SIK3: variants seen among roughly 807,000 people sequenced by gnomAD.
SIK3 encodes serine/threonine-protein kinase SIK3.
In SIK3, 28 loss-of-function variants were observed where a neutral mutation model predicts 144.2. The ratio of observed to expected loss-of-function variants is 0.19; its 90% CI spans 0.14 to 0.27. The LOEUF is 0.27. SIK3 is among the 10% of genes least tolerant of loss of function. The pLI is 1.00. For missense variants in SIK3, 1,319 were observed against 1,776.0 expected, an observed-to-expected ratio of 0.74 and a Z score of 4.62; for synonymous variants, 686 against 676.3, an observed-to-expected ratio of 1.01 and a Z score of -0.22.
At chr11:116,890,790 G>C (rs1054502638) in intron 6 of SIK3, among the ~76,000 whole-genome samples, 1 of 152,122 alleles carries the variant, frequency 6.6e-6, no homozygotes, top group East Asian at 1.9e-4. Context: ...AGTGGGAAAT[G>C]CTCCAGAAAA....
intron 1 of SIK3, among the ~76,000 whole-genome samples, chr11:117,059,458 C>T (rs1953699991): frequency 6.6e-6 from 1 of 152,174 alleles, no homozygotes; most frequent in Admixed American, 6.5e-5. Context: ...AATAGCCATT[C>T]CTGACAAAAG....
At chr11:116,947,553 ATGTATGTATGTATGTAT>A (rs1948723793) in intron 3 of SIK3, among the ~76,000 whole-genome samples, 2 of 68,276 alleles carry the variant, frequency 2.9e-5, no homozygotes, top group South Asian at 6.7e-4. Flanking sequence ...GTATGTATGT[ATGTATGTATGTATGTAT>A]TTTTTTTTTT....
At chr11:116,878,238 T>C (rs982603458) in intron 6 of SIK3, among the ~76,000 whole-genome samples, 6 of 152,212 alleles carry the variant, frequency 3.9e-5, no homozygotes, top group Admixed American at 6.5e-5. Flanking sequence ...CAATCTGTTT[T>C]CTATAGAGAG....
chr11:117,090,171 T>C (rs1421406662), intron 1 of SIK3, among the ~76,000 whole-genome samples: 1 of 152,202 alleles, frequency 6.6e-6, no homozygotes, highest in Non-Finnish European at 1.5e-5. Context: ...TTTGAATGTA[T>C]ATAATTTTCA....
At chr11:116,957,198 G>T in intron 1 of SIK3, 134 bp from the exon 2 acceptor site, 1 of 509,104 alleles carries the variant, frequency 2.0e-6, no homozygotes, top group Admixed American at 3.2e-5. Context: ...ATGTCAATGA[G>T]GAAAATTAAT....
intron 1 of SIK3, among the ~76,000 whole-genome samples, chr11:117,010,778 A>T (rs1207860345): frequency 6.6e-6 from 1 of 152,232 alleles, no homozygotes; most frequent in Admixed American, 6.5e-5. Flanking sequence ...TGTAAATAAC[A>T]TATGTATAAA....
At chr11:116,967,286 G>A (rs1949594414) in intron 1 of SIK3, among the ~76,000 whole-genome samples, 1 of 152,170 alleles carries the variant, frequency 6.6e-6, no homozygotes, top group African/African-American at 2.4e-5. Context: ...ACATTTAGAT[G>A]TAGAACCTAG....
At chr11:116,945,404 T>TTA (rs60923211) in intron 3 of SIK3, among the ~76,000 whole-genome samples, 3 of 138,832 alleles carry the variant, frequency 2.2e-5, no homozygotes, top group Non-Finnish European at 4.7e-5. Context: ...TTTTTTTTTT[T>TTA]AAATAACAGA....
chr11:117,012,028 G>C (rs1461552282), intron 1 of SIK3, among the ~76,000 whole-genome samples: 1 of 152,066 alleles, frequency 6.6e-6, no homozygotes, highest in Non-Finnish European at 1.5e-5. Flanking sequence ...TCACTGACTG[G>C]AGTGCAATGA....
chr11:117,083,148 T>G (rs927242735), intron 1 of SIK3, among the ~76,000 whole-genome samples: 9 of 152,178 alleles, frequency 5.9e-5, no homozygotes, highest in African/African-American at 1.9e-4. Context: ...TGACTTGGTA[T>G]AACAATACCC....
chr11:116,860,424 G>C (rs1943258409), intron 19 of SIK3, among the ~76,000 whole-genome samples: 2 of 152,118 alleles, frequency 1.3e-5, no homozygotes, highest in African/African-American at 4.8e-5. Flanking sequence ...TGTTACTCAA[G>C]AGATCCTAAG....
chr11:116,930,854 T>C (rs910625001), intron 3 of SIK3, among the ~76,000 whole-genome samples: 3 of 145,926 alleles, frequency 2.1e-5, no homozygotes, highest in Non-Finnish European at 4.5e-5. Flanking sequence ...TTTTTCACCA[T>C]CAATCAACTA....
chr11:116,911,047 A>G (rs1395517657), intron 4 of SIK3, among the ~76,000 whole-genome samples: 1 of 152,172 alleles, frequency 6.6e-6, no homozygotes, highest in African/African-American at 2.4e-5. Flanking sequence ...AGGCCAGAGG[A>G]TCCCTGGAGC....
chr11:117,016,217 T>G (rs1951516062), intron 1 of SIK3, among the ~76,000 whole-genome samples: 1 of 151,384 alleles, frequency 6.6e-6, no homozygotes, highest in Non-Finnish European at 1.5e-5. Context: ...TCCCAGCTAC[T>G]CAGGAGGCTG....
At chr11:116,865,259 G>GTTCTTCAAGTAGCAATACAGTCT (rs1943569770) in intron 15 of SIK3, among the ~76,000 whole-genome samples, 1 of 152,146 alleles carries the variant, frequency 6.6e-6, no homozygotes, top group Non-Finnish European at 1.5e-5. Flanking sequence ...AGAAAGCCAT[G>GTTCTTCAAGTAGCAATACAGTCT]TTCTTCAAGT....
At chr11:117,073,756 T>G (rs1199874173) in intron 1 of SIK3, among the ~76,000 whole-genome samples, 1 of 152,208 alleles carries the variant, frequency 6.6e-6, no homozygotes, top group African/African-American at 2.4e-5. Flanking sequence ...GTAAGATGAC[T>G]TAACTGCTCC....
chr11:116,876,831 C>A, intron 7 of SIK3, 93 bp downstream of exon 7: 3 of 1,006,440 alleles, frequency 3.0e-6, no homozygotes, highest in Non-Finnish European at 4.7e-6. Flanking sequence ...TCCCAGTGTC[C>A]GCCTTTCAGG....
intron 4 of SIK3, among the ~76,000 whole-genome samples, chr11:116,904,484 T>C (rs913517760): frequency 2.6e-5 from 4 of 152,124 alleles, no homozygotes; most frequent in South Asian, 2.1e-4. Flanking sequence ...CCTTTTTTTT[T>C]CCTCCACATT....
intron 1 of SIK3, among the ~76,000 whole-genome samples, chr11:116,995,557 C>G (rs984149138): frequency 1.3e-5 from 2 of 152,110 alleles, no homozygotes; most frequent in African/African-American, 4.8e-5. Flanking sequence ...AGCCGCCACA[C>G]CCGGCTCACC....
Sources: allele counts gnomAD v4.1 joint callset (sites outside exome capture counted in the v4.1 genomes callset), GRCh38; gene constraint gnomAD v4.1.1; transcripts MANE v1.5; gene names NCBI Gene and HGNC (gene_info 2026-07-23, HGNC 2026-07-21).